Variants in SORCS2 observed in about 807,000 individuals in gnomAD.
The protein encoded by SORCS2 is sortilin related VPS10 domain containing receptor 2.
SORCS2 carries 100 observed loss-of-function variants against 141.6 expected under a neutral mutation model. That is an observed-to-expected ratio of 0.71 (90% CI 0.60 to 0.83). The LOEUF (loss-of-function observed/expected upper bound fraction) is 0.83. Ranked by LOEUF, SORCS2 falls within the 40% of genes least tolerant of loss-of-function variation. The pLI, the probability that SORCS2 is intolerant of heterozygous loss-of-function variation, is 0.00. For synonymous variants in SORCS2, 789 were observed against 676.9 expected, an observed-to-expected ratio of 1.17 and a Z score of -2.57; for missense variants, 1,646 against 1,560.2, an observed-to-expected ratio of 1.05 and a Z score of -0.93.
chr4:7,488,535 C>T (rs1272595105), intron 2 of SORCS2, among the ~76,000 whole-genome samples: 1 of 152,222 alleles, frequency 6.6e-6, no homozygotes, highest in African/African-American at 2.4e-5. Flanking sequence ...TCCTGCAGAC[C>T]CTCTACCACA....
intron 3 of SORCS2, among the ~76,000 whole-genome samples, chr4:7,580,422 G>A (rs935812484): frequency 1.6e-4 from 24 of 151,948 alleles, no homozygotes; most frequent in Admixed American, 5.2e-4. Context: ...CCTGGGAGGC[G>A]GCGGTTGCAA....
chr4:7,436,944 G>T (rs1053101027), intron 2 of SORCS2, among the ~76,000 whole-genome samples: 20 of 152,136 alleles, frequency 1.3e-4, no homozygotes, highest in African/African-American at 4.6e-4. Flanking sequence ...TTCCAAAGTG[G>T]TTGTGCCCGT....
intron 1 of SORCS2, among the ~76,000 whole-genome samples, chr4:7,368,105 G>T (rs957771379): frequency 5.9e-5 from 9 of 152,204 alleles, no homozygotes; most frequent in Admixed American, 1.3e-4. Flanking sequence ...CTGTTCACGT[G>T]TGGTGGTGAG....
chr4:7,369,063 T>G (rs113785630), intron 1 of SORCS2, among the ~76,000 whole-genome samples: 4,356 of 152,188 alleles, frequency 0.029, 211 homozygotes, highest in African/African-American at 0.099. Flanking sequence ...TCTCAGTACT[T>G]TGGGAGGTCA....
chr4:7,352,694 C>T (rs536292947), intron 1 of SORCS2, among the ~76,000 whole-genome samples: 10 of 152,342 alleles, frequency 6.6e-5, no homozygotes, highest in African/African-American at 2.4e-4. Flanking sequence ...CCTCAGAGGA[C>T]ACCTCACAGC....
chr4:7,308,833 T>G (rs1254984121), intron 1 of SORCS2, among the ~76,000 whole-genome samples: 1 of 152,088 alleles, frequency 6.6e-6, no homozygotes, highest in African/African-American at 2.4e-5. Context: ...CTCTTTCTGC[T>G]CTTCCTTGTG....
rs1356714926 is a variant in SORCS2 at position 7,723,899 on chromosome 4, C to T, written c.2611+16C>T. The T allele has an allele frequency of 1.3e-5, 20 of 1,587,670 alleles. No individual in the cohort carries two copies. The highest frequency in any genetic ancestry group is 1.6e-5 in the Non-Finnish European group (19 of 1,171,548). The stretch of plus-strand genomic sequence containing the variant: ...CAGGTCAACTGTAAGTTTATTGCCC[C>T]TTTGAGGCCAAAGGTCACTCCCTTT... On this transcript the variant is annotated intron_variant, in intron 19 of 26. Transcript: ENST00000507866.
Position 7,330,295 on chromosome 4 carries a change from C to T in SORCS2, c.481-65993C>T, listed in dbSNP as rs145065857. ...CCCTTTGACCACGTGAGGCGACGTTCCCAGGTTTAGGGAATTAGGACATGG... is the reference window on the plus strand; with the variant it reads ...CCCTTTGACCACGTGAGGCGACGTTTCCAGGTTTAGGGAATTAGGACATGG... On this transcript the variant is annotated intron_variant, in intron 1 of 26. Transcript: ENST00000507866. Among the ~76,000 whole-genome samples the T allele has an allele frequency of 2.5e-4, 38 of 152,176 alleles. 1 individual carries two copies. The Middle Eastern group carries it at 0.02, about 82-fold the overall frequency.
intron 1 of SORCS2, among the ~76,000 whole-genome samples, chr4:7,249,008 G>A (rs1560139584): frequency 3.3e-5 from 5 of 152,192 alleles, no homozygotes; most frequent in Admixed American, 6.5e-5. Context: ...ACTGGTATGT[G>A]GGATTATGCA....
chr4:7,232,306 T>G (rs1307369932), intron 1 of SORCS2, among the ~76,000 whole-genome samples: 1 of 152,116 alleles, frequency 6.6e-6, no homozygotes, highest in Non-Finnish European at 1.5e-5. Context: ...GGCCTTTTCC[T>G]GGGGAGGCTG....
At chr4:7,429,934 C>A (rs1429905152) in intron 2 of SORCS2, among the ~76,000 whole-genome samples, 1 of 152,152 alleles carries the variant, frequency 6.6e-6, no homozygotes, top group Non-Finnish European at 1.5e-5. Context: ...TGAGGGAAGC[C>A]AGCCCAGCTC....
intron 1 of SORCS2, among the ~76,000 whole-genome samples, chr4:7,357,210 CG>C (rs1320177552): frequency 1.3e-5 from 2 of 152,208 alleles, no homozygotes; most frequent in Non-Finnish European, 2.9e-5. Flanking sequence ...ATGCCTGCCC[CG>C]GGGACTCGGG....
intron 1 of SORCS2, among the ~76,000 whole-genome samples, chr4:7,297,515 G>A (rs1054171922): frequency 6.6e-6 from 1 of 152,124 alleles, no homozygotes; most frequent in Non-Finnish European, 1.5e-5. Context: ...CCTGGGCCCT[G>A]GCCATGCCCT....
intron 3 of SORCS2, among the ~76,000 whole-genome samples, chr4:7,631,652 G>A (rs1467071300): frequency 6.6e-6 from 1 of 152,120 alleles, no homozygotes; most frequent in Non-Finnish European, 1.5e-5. Context: ...CCCCCGGGGG[G>A]GCAGAAATCC....
intron 1 of SORCS2, among the ~76,000 whole-genome samples, chr4:7,317,681 T>C (rs1016436901): frequency 3.9e-5 from 6 of 151,920 alleles, no homozygotes; most frequent in African/African-American, 4.8e-5. Context: ...GGCTTAGGAC[T>C]TGGGGGCCTA....
chr4:7,406,120 T>C (rs778781883), intron 2 of SORCS2, among the ~76,000 whole-genome samples: 1 of 152,152 alleles, frequency 6.6e-6, no homozygotes, highest in Non-Finnish European at 1.5e-5. Context: ...ATTATCTTTG[T>C]GGTGTGTTGT....
intron 2 of SORCS2, among the ~76,000 whole-genome samples, chr4:7,479,503 G>A (rs1466548513): frequency 6.6e-6 from 1 of 151,912 alleles, no homozygotes; most frequent in Non-Finnish European, 1.5e-5. Context: ...GCAGAGTTTG[G>A]ACAACCCAGC....
rs529768168 is a variant in SORCS2, at chr4:7,314,736, G to T, written c.481-81552G>T. ...GGACCAGGTCTTGTCACTTGGCTTT[G>T]CTGTGACCACGGGTGTGAAGACCCA... On this transcript the variant is annotated intron_variant, in intron 1 of 26. Coordinates refer to ENST00000507866, the MANE Select transcript of SORCS2 (RefSeq NM_020777.3). 1.0e-4 allele frequency among the ~76,000 whole-genome samples: 15 copies of T among 150,514 alleles called. No individual in the cohort carries two copies. The South Asian group carries it at 3.2e-3, about 32-fold the overall frequency.
intron 2 of SORCS2, among the ~76,000 whole-genome samples, chr4:7,400,690 G>A (rs1307888359): frequency 6.6e-6 from 1 of 151,942 alleles, no homozygotes; most frequent in African/African-American, 2.4e-5. Context: ...TGGCTTGACA[G>A]ATGGATGGAT....
Sources: gnomAD v4.1 joint callset for allele counts (sites outside exome capture counted in the v4.1 genomes callset) on GRCh38, gnomAD v4.1.1 for gene constraint, MANE v1.5 for transcripts, NCBI Gene and HGNC (gene_info 2026-07-23, HGNC 2026-07-21) for gene names.